The following NCOA1 variants were observed in gnomAD, a reference collection of about 807,000 sequenced individuals.
NCOA1 encodes nuclear receptor coactivator 1, also known as Hin-2 protein.
In NCOA1, 35 loss-of-function variants were observed where a neutral mutation model predicts 150.9. The observed-to-expected ratio is 0.23, with a 90% CI of 0.18 to 0.31. The LOEUF (loss-of-function observed/expected upper bound fraction) is 0.31. NCOA1 is among the 10% of genes least tolerant of loss of function. The pLI is 1.00. For synonymous variants in NCOA1, 590 were observed against 630.0 expected (o/e 0.94, Z 0.95); for missense variants, 1,491 against 1,749.3 (o/e 0.85, Z 2.63).
chr2:24,575,241 G>A (rs1666906444), intron 2 of NCOA1, among the ~76,000 whole-genome samples: 1 of 152,042 alleles, frequency 6.6e-6, no homozygotes, highest in African/African-American at 2.4e-5. Context: ...AGTTAACTAA[G>A]TGTTAAATCT....
At position 24,514,461 on chromosome 2, in the gene NCOA1, ATAT is replaced by A. The variant is rs199927230; in HGVS notation, c.-396+22865_-396+22867del. On this transcript the variant is annotated intron_variant, in intron 1 of 22. Coordinates refer to ENST00000348332, the MANE Select transcript of NCOA1 (RefSeq NM_003743.5). ...ATCTGGCAATTGTGACTTAAAATAA[ATAT>A]TATTAAGAGATTAATAAAATAAGCA... Among the ~76,000 whole-genome samples, 637 of 152,172 alleles carry A rather than the reference ATAT, an allele frequency of 4.2e-3. 8 individuals are homozygous for A. The highest frequency in any genetic ancestry group is 0.01 in the Admixed American group (158 of 15,282).
At chr2:24,499,456 A>G (rs574271773) in intron 1 of NCOA1, among the ~76,000 whole-genome samples, 1 of 152,234 alleles carries the variant, frequency 6.6e-6, no homozygotes, top group South Asian at 2.1e-4. Context: ...ATCTAATTTC[A>G]TGCCCTCTAA....
chr2:24,507,490 G>A (rs1440643315), intron 1 of NCOA1, among the ~76,000 whole-genome samples: 2 of 148,426 alleles, frequency 1.3e-5, no homozygotes, highest in African/African-American at 5.0e-5. Flanking sequence ...CTTATGGGGT[G>A]CCTATGATAT....
chr2:24,700,689 T>A (rs577460373), intron 11 of NCOA1, among the ~76,000 whole-genome samples: 1 of 152,298 alleles, frequency 6.6e-6, no homozygotes, highest in South Asian at 2.1e-4. Flanking sequence ...TTGGAAAAAG[T>A]TCCCAGGTTC....
intron 5 of NCOA1, among the ~76,000 whole-genome samples, chr2:24,662,108 A>T (rs1441218354): frequency 1.3e-5 from 2 of 152,230 alleles, no homozygotes; most frequent in African/African-American, 4.8e-5. Flanking sequence ...GAGTTTATGT[A>T]TGAATGCCAC....
intron 14 of NCOA1, 79 bp downstream of exon 14, chr2:24,711,190 ACAGAT>A: frequency 2.2e-6 from 3 of 1,363,094 alleles, no homozygotes; most frequent in South Asian, 1.6e-5. Flanking sequence ...CCAGTATTAC[ACAGAT>A]CCTTTGCTTA....
intron 2 of NCOA1, among the ~76,000 whole-genome samples, chr2:24,574,849 C>G (rs1666888201): frequency 6.6e-6 from 1 of 152,064 alleles, no homozygotes; most frequent in African/African-American, 2.4e-5. Flanking sequence ...GAAGTTTGCT[C>G]TCATGCATAC....
intron 1 of NCOA1, among the ~76,000 whole-genome samples, chr2:24,548,983 C>G (rs1028076717): frequency 2.0e-5 from 3 of 152,172 alleles, no homozygotes; most frequent in African/African-American, 7.2e-5. Context: ...CTCACAGCAT[C>G]ACTAGATGGT....
At chr2:24,574,201 G>A (rs1455204583) in intron 2 of NCOA1, among the ~76,000 whole-genome samples, 6 of 151,962 alleles carry the variant, frequency 3.9e-5, no homozygotes, top group African/African-American at 7.2e-5. Flanking sequence ...AATAGTAAGC[G>A]AATACTATTT....
chr2:24,750,360 A>C (rs1664153487), intron 19 of NCOA1, among the ~76,000 whole-genome samples: 2 of 152,240 alleles, frequency 1.3e-5, no homozygotes, highest in Admixed American at 1.3e-4. Flanking sequence ...ATAAAGTCGC[A>C]ACAATCAAGA....
chr2:24,659,543 T>A (rs759840853), intron 5 of NCOA1, among the ~76,000 whole-genome samples: 20 of 152,168 alleles, frequency 1.3e-4, no homozygotes, highest in Non-Finnish European at 8.8e-5. Context: ...AGTATTGCAT[T>A]ACATGAATAT....
chr2:24,697,379 G>A (rs1009083691), intron 10 of NCOA1, among the ~76,000 whole-genome samples: 1 of 152,170 alleles, frequency 6.6e-6, no homozygotes, highest in African/African-American at 2.4e-5. Context: ...AACTGCATTA[G>A]TCTCAGTAGT....
chr2:24,639,950 ATATATATATATATATATATATTCAGAG>A (rs1670125935), intron 3 of NCOA1, among the ~76,000 whole-genome samples: 1 of 117,190 alleles, frequency 8.5e-6, no homozygotes, highest in Non-Finnish European at 1.8e-5. Context: ...ATATATATAT[ATATATATATATATATATATATTCAGAG>A]TATAAACGCA....
intron 14 of NCOA1, among the ~76,000 whole-genome samples, chr2:24,712,781 A>C (rs1181169429): frequency 6.6e-6 from 1 of 152,066 alleles, no homozygotes; most frequent in East Asian, 1.9e-4. Flanking sequence ...TAGGTATCCA[A>C]CTTTTTTTTT....
chr2:24,768,272 G>T lies in NCOA1; in HGVS notation c.4207G>T (p.Val1403Leu), dbSNP rs557623173. The T allele has an allele frequency of 5.0e-6, 8 of 1,613,734 alleles. No homozygotes were observed. In the African/African-American group the frequency reaches 1.1e-4, roughly 22 times the overall value. Residue 1403 changes from valine to leucine, a missense_variant, in exon 23 of 23, where the codon GTA (valine) becomes TTA (leucine). Coordinates refer to ENST00000348332, the MANE Select transcript of NCOA1 (RefSeq NM_003743.5). ...TGACGTCCAGTGTACAGTGAATCTG[G>T]TAGGCGGGGACCCTTACCTGAACCA... ...FADVQCTVNL[V>L]GGDPYLNQPG...
At chr2:24,533,525 G>A (rs191017773) in intron 1 of NCOA1, among the ~76,000 whole-genome samples, 1,746 of 152,170 alleles carry the variant, frequency 0.011, 28 homozygotes, top group Non-Finnish European at 0.018. Context: ...GTCTTGTGCC[G>A]GTTTTCAAAG....
chr2:24,496,678 G>A (rs1663230348), intron 1 of NCOA1, among the ~76,000 whole-genome samples: 1 of 152,142 alleles, frequency 6.6e-6, no homozygotes, highest in Non-Finnish European at 1.5e-5. Flanking sequence ...ACAACATTTA[G>A]AGTTAAAGAG....
chr2:24,662,670 G>A (rs992484264), intron 5 of NCOA1, among the ~76,000 whole-genome samples: 13 of 152,086 alleles, frequency 8.5e-5, no homozygotes, highest in Admixed American at 7.2e-4. Flanking sequence ...GGAAAGTAAT[G>A]TCATTATCCT....
intron 1 of NCOA1, among the ~76,000 whole-genome samples, chr2:24,547,979 ACT>A (rs1271195732): frequency 1.9e-5 from 2 of 104,896 alleles, no homozygotes; most frequent in Admixed American, 1.4e-4. Flanking sequence ...ACAGAGTGAG[ACT>A]CTGTCTCAAA....
Sources: allele counts gnomAD v4.1 joint callset (sites outside exome capture counted in the v4.1 genomes callset), GRCh38; gene constraint gnomAD v4.1.1; transcripts MANE v1.5; gene names NCBI Gene and HGNC (gene_info 2026-07-23, HGNC 2026-07-21).